CUBN: variants seen among roughly 807,000 people sequenced by gnomAD.
CUBN encodes the protein 460 kDa receptor.
In CUBN, 282 loss-of-function variants were observed where a neutral mutation model predicts 405.3. That is an observed-to-expected ratio of 0.70 (90% confidence interval 0.63 to 0.77). CUBN has a LOEUF of 0.77. Ranked by LOEUF, CUBN falls within the 30% of genes least tolerant of loss-of-function variation. The pLI is 0.00. For synonymous variants in CUBN, 1,684 were observed against 1,617.0 expected (o/e 1.04, Z -0.99); for missense variants, 4,514 against 4,475.2 (o/e 1.01, Z -0.25).
intron 31 of CUBN, among the ~76,000 whole-genome samples, chr10:16,979,905 A>C (rs1833214366): frequency 6.6e-6 from 1 of 152,210 alleles, no homozygotes; most frequent in Non-Finnish European, 1.5e-5. Context: ...GTGAACAGGC[A>C]ATCTACAGAA....
intron 31 of CUBN, among the ~76,000 whole-genome samples, chr10:16,956,134 G>A (rs1843057132): frequency 6.6e-6 from 1 of 152,114 alleles, no homozygotes; most frequent in South Asian, 2.1e-4. Flanking sequence ...GATTCTGCAT[G>A]TTCTCTTTAG....
At position 16,921,538 on chromosome 10, in the gene CUBN, T is replaced by C. The variant is rs1244967723; in HGVS notation, c.6647-1401A>G. Among the ~76,000 whole-genome samples, 6 of 152,248 alleles carry C rather than the reference T, an allele frequency of 3.9e-5. No individual in the cohort carries two copies. In the South Asian group the frequency reaches 1.2e-3, roughly 31 times the overall value. On this transcript the variant is annotated intron_variant, in intron 43 of 66. Transcript: ENST00000377833. ...CACAGTTATATGCCCAAAGAACTTTTTAAATTCTTATTTTATATCCACAGC... is the reference window on the plus strand; with the variant it reads ...CACAGTTATATGCCCAAAGAACTTTCTAAATTCTTATTTTATATCCACAGC...
chr10:17,121,331 A>G (rs1837034458), intron 6 of CUBN, among the ~76,000 whole-genome samples: 1 of 152,180 alleles, frequency 6.6e-6, no homozygotes, highest in Non-Finnish European at 1.5e-5. Flanking sequence ...GTGTGCATTA[A>G]TAGTGATGGT....
chr10:16,999,693 CAG>C (rs1006397096), intron 28 of CUBN, among the ~76,000 whole-genome samples: 1 of 152,202 alleles, frequency 6.6e-6, no homozygotes, highest in Non-Finnish European at 1.5e-5. Flanking sequence ...CAAACAAAGA[CAG>C]AGAAAACATG....
Position 16,969,642 on chromosome 10 carries a change from T to C in CUBN, c.4695+12842A>G, listed in dbSNP as rs141408755. 5.1e-3 allele frequency among the ~76,000 whole-genome samples: 771 copies of C among 152,304 alleles called. 2 individuals carry two copies. Among genetic ancestry groups the C allele is most frequent in the Admixed American group, 0.013 (202 of 15,296 alleles). On this transcript the variant is annotated intron_variant, in intron 31 of 66. Transcript: ENST00000377833. ...TGCTGGGATTACAGGCGTGAGCCAC[T>C]GAGCCCAGTCTACTGTTCCATTTTT...
intron 66 of CUBN, among the ~76,000 whole-genome samples, chr10:16,827,909 C>T (rs948021122): frequency 6.6e-6 from 1 of 152,160 alleles, no homozygotes; most frequent in Non-Finnish European, 1.5e-5. Context: ...TAAGTATCTA[C>T]TTGCACATCA....
rs191467772 is a variant in CUBN, at chr10:16,956,290, A to G, written c.4696-1742T>C. ...ATGTGGGTCTGTTCTGGAGCAGCAA[A>G]TCTTTTCTTTTTTATTATTTAATGT... On this transcript the variant is annotated intron_variant, in intron 31 of 66. Coordinates refer to ENST00000377833, the MANE Select transcript of CUBN (RefSeq NM_001081.4). Among the ~76,000 whole-genome samples, 3 of 152,134 alleles carry G rather than the reference A, an allele frequency of 2.0e-5. No individual in the cohort carries two copies. In the East Asian group the frequency reaches 5.8e-4, roughly 29 times the overall value.
intron 26 of CUBN, among the ~76,000 whole-genome samples, chr10:17,042,038 T>C (rs1027584440): frequency 1.6e-4 from 24 of 152,156 alleles, no homozygotes; most frequent in Non-Finnish European, 2.8e-4. Flanking sequence ...AAACATTATA[T>C]GGAATGAGCT....
intron 6 of CUBN, among the ~76,000 whole-genome samples, chr10:17,120,372 G>A (rs144629629): frequency 2.6e-5 from 4 of 152,200 alleles, no homozygotes; most frequent in African/African-American, 9.6e-5. Flanking sequence ...AATTCATGAG[G>A]TTTCAGAAAC....
At chr10:16,916,747 C>A (rs1028733244) in intron 45 of CUBN, among the ~76,000 whole-genome samples, 1 of 151,700 alleles carries the variant, frequency 6.6e-6, no homozygotes, top group Admixed American at 6.6e-5. Flanking sequence ...TTCAACCGCT[C>A]ATTTTTTAAA....
At chr10:16,850,024 C>T (rs569844586) in intron 60 of CUBN, among the ~76,000 whole-genome samples, 2 of 152,338 alleles carry the variant, frequency 1.3e-5, no homozygotes, top group South Asian at 2.1e-4. Context: ...AGCCTCTTTA[C>T]GCTTTCGAGA....
intron 17 of CUBN, among the ~76,000 whole-genome samples, chr10:17,081,191 A>G (rs1291238364): frequency 2.6e-5 from 4 of 152,230 alleles, no homozygotes; most frequent in African/African-American, 9.6e-5. Flanking sequence ...TCTGTGAAAG[A>G]TACACACTCA....
chr10:16,890,816 T>A (rs1840983519), intron 54 of CUBN, among the ~76,000 whole-genome samples: 2 of 152,272 alleles, frequency 1.3e-5, no homozygotes, highest in South Asian at 4.1e-4. Context: ...GGTTTCCTCA[T>A]AACTTCTAGT....
intron 17 of CUBN, among the ~76,000 whole-genome samples, chr10:17,078,807 A>G (rs1835908675): frequency 6.6e-6 from 1 of 152,038 alleles, no homozygotes; most frequent in African/African-American, 2.4e-5. Context: ...TATTGTTTCC[A>G]TTTTATATCA....
chr10:16,877,285 T>A (rs1226449478), intron 56 of CUBN, among the ~76,000 whole-genome samples, 188 bp from the exon 57 acceptor site: 1 of 152,210 alleles, frequency 6.6e-6, no homozygotes, highest in African/African-American at 2.4e-5. Context: ...AGCACAGGTA[T>A]GATAAAACAG....
chr10:16,891,498 T>C (rs1357064423), intron 54 of CUBN, among the ~76,000 whole-genome samples: 1 of 152,020 alleles, frequency 6.6e-6, no homozygotes, highest in Non-Finnish European at 1.5e-5. Flanking sequence ...CAGGACACGT[T>C]AGAGACTCGG....
chr10:16,943,907 C>T (rs1842718264), intron 36 of CUBN, among the ~76,000 whole-genome samples: 1 of 152,140 alleles, frequency 6.6e-6, no homozygotes, highest in Non-Finnish European at 1.5e-5. Flanking sequence ...AGGCAAATAC[C>T]TAGAAGGATT....
intron 27 of CUBN, among the ~76,000 whole-genome samples, chr10:17,035,332 A>G (rs1190291732): frequency 6.6e-6 from 1 of 152,196 alleles, no homozygotes; most frequent in Non-Finnish European, 1.5e-5. Context: ...ATATTGTTGA[A>G]CATTAGAAAA....
At chr10:16,931,159 G>A (rs1842353418) in intron 40 of CUBN, among the ~76,000 whole-genome samples, 1 of 151,808 alleles carries the variant, frequency 6.6e-6, no homozygotes, top group South Asian at 2.1e-4. Flanking sequence ...AGCTATTAGG[G>A]AGGCTGAGGC....
Sources: allele counts gnomAD v4.1 joint callset (sites outside exome capture counted in the v4.1 genomes callset), GRCh38; gene constraint gnomAD v4.1.1; transcripts MANE v1.5; gene names NCBI Gene and HGNC (gene_info 2026-07-23, HGNC 2026-07-21).